NSMCE2: variants seen among roughly 807,000 people sequenced by gnomAD.
NSMCE2 encodes NSE2 SUMO ligase component of SMC5/6 complex.
A neutral mutation model predicts 23.8 loss-of-function variants in NSMCE2; 24 were observed. That is an observed-to-expected ratio of 1.01 (90% CI 0.73 to 1.42). The LOEUF is 1.42. NSMCE2 is among the 40% of genes most tolerant of loss of function. The probability of loss-of-function intolerance (pLI) is 0.00; values close to 1 mark genes in which losing one functional copy is unlikely to be tolerated. For missense variants in NSMCE2, 284 were observed against 296.5 expected, an observed-to-expected ratio of 0.96 and a Z score of 0.31; for synonymous variants, 92 against 94.1, an observed-to-expected ratio of 0.98 and a Z score of 0.13.
intron 5 of NSMCE2, among the ~76,000 whole-genome samples, chr8:125,299,306 G>A (rs528844474): frequency 5.3e-5 from 8 of 152,244 alleles, no homozygotes; most frequent in South Asian, 2.1e-4. Flanking sequence ...CACTCTATTC[G>A]TTTCTTTTCA....
At chr8:125,239,474 T>A (rs1398677831) in intron 5 of NSMCE2, among the ~76,000 whole-genome samples, 2 of 151,834 alleles carry the variant, frequency 1.3e-5, no homozygotes, top group Non-Finnish European at 2.9e-5. Flanking sequence ...CTGGGCATGG[T>A]GGTGCACGCC....
chr8:125,191,822 C>T (rs527687348), intron 5 of NSMCE2, among the ~76,000 whole-genome samples: 1 of 152,192 alleles, frequency 6.6e-6, no homozygotes, highest in South Asian at 2.1e-4. Flanking sequence ...CATCCACACG[C>T]AGGAAAGGAA....
In NSMCE2 at chr8:125,330,177, C is replaced by CTTTT. The variant is rs34345598; in HGVS notation, c.419-27039_419-27038insTTTT. 6.7e-5 allele frequency among the ~76,000 whole-genome samples: 8 copies of CTTTT among 119,144 alleles called. 1 individual carries two copies. The highest frequency in any genetic ancestry group is 8.1e-5 in the Non-Finnish European group (5 of 61,520). 78.2% of individuals were successfully genotyped at this position (119,144 alleles called of 152,430 possible). ...AAACAGAACTAACTTTTTCTTTTTT[C>CTTTT]TTTCTTTTTTTTTTTTTTTGAGACA... On this transcript the variant is annotated intron_variant, in intron 5 of 7. Transcript: ENST00000287437.
Position 125,113,792 on chromosome 8 carries a change from C to A in NSMCE2, c.157+11305C>A, listed in dbSNP as rs1051433212. 5.9e-5 allele frequency among the ~76,000 whole-genome samples: 9 copies of A among 152,202 alleles called. No homozygotes were observed. The East Asian group carries it at 1.4e-3, about 23-fold the overall frequency. ...AATATCATCTTGATTCTGAAAGGGA[C>A]CTTAGTGGTTAGGTAATCTCTCATG... On this transcript the variant is annotated intron_variant, in intron 3 of 7. Coordinates refer to ENST00000287437, the MANE Select transcript of NSMCE2 (RefSeq NM_173685.4).
intron 5 of NSMCE2, among the ~76,000 whole-genome samples, chr8:125,236,891 G>T (rs1586653397): frequency 6.9e-6 from 1 of 145,510 alleles, no homozygotes. Context: ...TATTTTTCTT[G>T]TACCTACTAA....
chr8:125,366,554 G>A (rs550288333), intron 7 of NSMCE2, among the ~76,000 whole-genome samples: 179 of 152,252 alleles, frequency 1.2e-3, no homozygotes, highest in African/African-American at 3.9e-3. Context: ...TCATGATAAG[G>A]CAGGCACTAC....
chr8:125,095,749 G>T (rs902454504), intron 1 of NSMCE2, among the ~76,000 whole-genome samples: 13 of 151,990 alleles, frequency 8.6e-5, no homozygotes, highest in African/African-American at 3.1e-4. Flanking sequence ...ACAAAAATTA[G>T]CCTGGCATGT....
intron 5 of NSMCE2, among the ~76,000 whole-genome samples, chr8:125,252,071 G>A (rs1826218709): frequency 6.6e-6 from 1 of 152,194 alleles, no homozygotes; most frequent in South Asian, 2.1e-4. Flanking sequence ...GGAGATGGTT[G>A]AATCCTTGTA....
intron 5 of NSMCE2, among the ~76,000 whole-genome samples, chr8:125,218,520 T>C (rs905003336): frequency 6.6e-6 from 1 of 151,832 alleles, no homozygotes; most frequent in Non-Finnish European, 1.5e-5. Flanking sequence ...CAAGCAATTC[T>C]CATGCCTCAG....
At chr8:125,232,987 AGGGTT>A (rs1245943134) in intron 5 of NSMCE2, among the ~76,000 whole-genome samples, 4 of 152,224 alleles carry the variant, frequency 2.6e-5, no homozygotes, top group Non-Finnish European at 5.9e-5. Flanking sequence ...GTCACATTCC[AGGGTT>A]GTAACTAGTT....
intron 5 of NSMCE2, among the ~76,000 whole-genome samples, chr8:125,292,220 GAAAA>G (rs34130712): frequency 3.5e-5 from 5 of 141,760 alleles, no homozygotes; most frequent in African/African-American, 1.3e-4. Context: ...GCTATGGGAG[GAAAA>G]AAAAAAAAGG....
chr8:125,363,980 G>T (rs1813678488), intron 7 of NSMCE2, among the ~76,000 whole-genome samples: 1 of 152,022 alleles, frequency 6.6e-6, no homozygotes, highest in African/African-American at 2.4e-5. Flanking sequence ...GTCTTGCTCT[G>T]TTGCCCAGGC....
chr8:125,276,666 A>G (rs1827461891), intron 5 of NSMCE2, among the ~76,000 whole-genome samples: 1 of 152,230 alleles, frequency 6.6e-6, no homozygotes, highest in Admixed American at 6.5e-5. Flanking sequence ...GGAAGGAGAA[A>G]GGGAAGGAAT....
intron 4 of NSMCE2, among the ~76,000 whole-genome samples, chr8:125,153,658 C>T (rs1821161315): frequency 6.6e-6 from 1 of 152,116 alleles, no homozygotes; most frequent in African/African-American, 2.4e-5. Flanking sequence ...AAGTTATGAT[C>T]CCTGGTCAAG....
intron 5 of NSMCE2, among the ~76,000 whole-genome samples, chr8:125,330,644 A>G (rs561281396): frequency 2.8e-4 from 43 of 152,308 alleles, no homozygotes; most frequent in African/African-American, 9.6e-4. Flanking sequence ...ATTTCATTCC[A>G]TGCCTAATTA....
chr8:125,277,379 G>A (rs1464617380), intron 5 of NSMCE2, among the ~76,000 whole-genome samples: 1 of 152,010 alleles, frequency 6.6e-6, no homozygotes, highest in East Asian at 1.9e-4. Flanking sequence ...TAAATAATAT[G>A]GTACTTTTCA....
chr8:125,160,160 C>G (rs1051907410), intron 4 of NSMCE2, among the ~76,000 whole-genome samples: 5 of 152,092 alleles, frequency 3.3e-5, no homozygotes, highest in African/African-American at 7.2e-5. Flanking sequence ...TTCATGCACT[C>G]TAACTCTGAG....
intron 1 of NSMCE2, among the ~76,000 whole-genome samples, chr8:125,096,570 A>C (rs1481072466): frequency 1.5e-5 from 2 of 130,810 alleles, no homozygotes; most frequent in Non-Finnish European, 3.3e-5. Context: ...AATAACTGTC[A>C]CTTTTTGTTT....
chr8:125,236,798 A>ATCTTTCTTTTCTT (rs1247574395), intron 5 of NSMCE2, among the ~76,000 whole-genome samples: 1 of 150,800 alleles, frequency 6.6e-6, no homozygotes, highest in Non-Finnish European at 1.5e-5. Context: ...TTGGTACACT[A>ATCTTTCTTTTCTT]TCTTTCTTTT....
Sources: gnomAD v4.1 joint callset for allele counts (sites outside exome capture counted in the v4.1 genomes callset) on GRCh38, gnomAD v4.1.1 for gene constraint, MANE v1.5 for transcripts, NCBI Gene and HGNC (gene_info 2026-07-23, HGNC 2026-07-21) for gene names.